The following COIL variants were observed in gnomAD, a reference collection of about 807,000 sequenced individuals.
The protein encoded by COIL is coilin.
COIL carries 28 observed loss-of-function variants against 51.6 expected under a neutral mutation model. The observed-to-expected ratio is 0.54, with a 90% confidence interval of 0.40 to 0.74. The LOEUF (loss-of-function observed/expected upper bound fraction) is 0.74. Ranked by LOEUF, COIL falls within the 30% of genes least tolerant of loss-of-function variation. COIL has a pLI of 0.00. For synonymous variants in COIL, 233 were observed against 255.8 expected (o/e 0.91, Z 0.85); for missense variants, 667 against 685.9 (o/e 0.97, Z 0.31).
intron 1 of COIL, among the ~76,000 whole-genome samples, chr17:56,955,787 A>G (rs1268644534): frequency 6.6e-6 from 1 of 152,246 alleles, no homozygotes; most frequent in East Asian, 1.9e-4. Flanking sequence ...ACAAGTCTGT[A>G]CAACTTTTCT....
Position 56,938,830 on chromosome 17 carries a change from G to A in COIL, c.*241C>T, listed in dbSNP as rs1910090355. On this transcript the variant is annotated 3_prime_UTR_variant, in exon 7 of 7. Coordinates refer to ENST00000240316, the MANE Select transcript of COIL (RefSeq NM_004645.3). ...ATACTGGTATACAACAATATCTGCA[G>A]GGAATGTCATGTTTTACATTTTGTT... The A allele has an allele frequency of 2.7e-6, 1 of 376,236 alleles. No individual in the cohort carries two copies. The highest frequency in any genetic ancestry group is 4.8e-6 in the Non-Finnish European group (1 of 210,352). The allele number at this position is 376,236 out of a possible 1,614,324, so 23.3% of individuals were successfully genotyped here.
At position 56,950,758 on chromosome 17, in the gene COIL, T is replaced by C. The variant is rs377586257; in HGVS notation, c.484A>G (p.Asn162Asp). The change falls in exon 2 of 7, where the codon AAC (asparagine) becomes GAC (aspartate). Residue 162 changes from asparagine to aspartate, a missense_variant. By Grantham distance (23) the Asn-to-Asp change is conservative. Coordinates refer to ENST00000240316, the MANE Select transcript of COIL (RefSeq NM_004645.3). Reference protein sequence around the residue: ...AVTDQTVSKKNKRKNKATCGT... With the variant: ...AVTDQTVSKKDKRKNKATCGT... The stretch of plus-strand genomic sequence containing the variant: ...CAGGTTGCTTTATTTTTTCTCTTGT[T>C]TTTTTTGCTGACAGTCTGATCTGTG... 40 of 1,613,968 alleles carry C rather than the reference T, an allele frequency of 2.5e-5. No individual in the cohort carries two copies. Among genetic ancestry groups the C allele is most frequent in the Non-Finnish European group, 3.2e-5 (38 of 1,180,046 alleles).
intron 5 of COIL, among the ~76,000 whole-genome samples, chr17:56,945,147 T>A (rs1276217594): frequency 2.0e-5 from 3 of 152,150 alleles, no homozygotes; most frequent in Non-Finnish European, 4.4e-5. Flanking sequence ...AAGACCAACC[T>A]GGCCAACATG....
In COIL at chr17:56,949,842, A is replaced by T. The variant is rs767871526; in HGVS notation, c.1353+47T>A. 1.9e-6 allele frequency: 3 copies of T among 1,611,014 alleles called. No individual in the cohort carries two copies. In the South Asian group the frequency reaches 3.3e-5, roughly 18 times the overall value. On this transcript the variant is annotated intron_variant, in intron 2 of 6. Transcript: ENST00000240316. ...AATCCATGACATGAACTCCACACAC[A>T]TTCTAAGGGGAAAGGGAGGAGATAA...
At chr17:56,957,942 A>C (rs1472054453) in intron 1 of COIL, among the ~76,000 whole-genome samples, 1 of 152,234 alleles carries the variant, frequency 6.6e-6, no homozygotes, top group Non-Finnish European at 1.5e-5. Context: ...GTGGAACACA[A>C]GTGTGTGGTG....
intron 5 of COIL, among the ~76,000 whole-genome samples, chr17:56,942,813 G>A (rs1910173918): frequency 6.6e-6 from 1 of 152,158 alleles, no homozygotes; most frequent in South Asian, 2.1e-4. Flanking sequence ...ACCACACCCG[G>A]CCTCAGTCCT....
At chr17:56,947,957 T>C (rs767574217) in intron 4 of COIL, among the ~76,000 whole-genome samples, 2 of 152,102 alleles carry the variant, frequency 1.3e-5, no homozygotes, top group Non-Finnish European at 2.9e-5. Flanking sequence ...GCATAACTAT[T>C]AATAGCATCC....
At chr17:56,941,974 A>G (rs775866523) in intron 6 of COIL, 61 bp downstream of exon 6, 4 of 1,350,798 alleles carry the variant, frequency 3.0e-6, no homozygotes, top group Non-Finnish European at 4.3e-6. Context: ...CTTCCAAACC[A>G]CAGGTAATTG....
Position 56,961,023 on chromosome 17 carries a change from G to T in COIL, c.-4C>A. The T allele has an allele frequency of 6.2e-7, 1 of 1,613,234 alleles. No homozygotes were observed. The highest frequency in any genetic ancestry group is 8.5e-7 in the Non-Finnish European group (1 of 1,179,790). On this transcript the variant is annotated 5_prime_UTR_variant, in exon 1 of 7. Transcript: ENST00000240316. ...TAACCGTCTCGGAAGCTGCCATCTT[G>T]CTTGGTGCTCAACGGAAGCCGAGAG...
intron 5 of COIL, among the ~76,000 whole-genome samples, chr17:56,943,669 C>T (rs1033646801): frequency 2.0e-5 from 3 of 152,098 alleles, no homozygotes; most frequent in African/African-American, 4.8e-5. Flanking sequence ...GATCATGACG[C>T]GTATCTGTTA....
chr17:56,953,571 G>A (rs976649536), intron 1 of COIL, among the ~76,000 whole-genome samples: 6 of 152,092 alleles, frequency 3.9e-5, no homozygotes, highest in Non-Finnish European at 8.8e-5. Flanking sequence ...TACTTACAAG[G>A]CATTTACATT....
At chr17:56,953,247 T>C (rs1910411687) in intron 1 of COIL, among the ~76,000 whole-genome samples, 1 of 151,554 alleles carries the variant, frequency 6.6e-6, no homozygotes, top group South Asian at 2.1e-4. Flanking sequence ...CCGTCTCTAC[T>C]AAAAATACAA....
At chr17:56,939,295 C>G (rs1274394796) in intron 6 of COIL, 141 bp from the exon 7 acceptor site, 13 of 613,396 alleles carry the variant, frequency 2.1e-5, no homozygotes, top group Non-Finnish European at 3.2e-5. Flanking sequence ...AGTTCAATTG[C>G]AGTATAGTAA....
chr17:56,941,973 C>T, intron 6 of COIL, 62 bp downstream of exon 6: 1 of 1,346,806 alleles, frequency 7.4e-7, no homozygotes, highest in East Asian at 2.3e-5. Flanking sequence ...CCTTCCAAAC[C>T]ACAGGTAATT....
chr17:56,956,387 C>T (rs1211164216), intron 1 of COIL, among the ~76,000 whole-genome samples: 1 of 151,126 alleles, frequency 6.6e-6, no homozygotes, highest in Non-Finnish European at 1.5e-5. Flanking sequence ...TACAGGCATC[C>T]ATCACTGAGC....
chr17:56,949,947 T>A lies in COIL; in HGVS notation c.1295A>T (p.Asp432Val). The A allele has an allele frequency of 1.9e-6, 3 of 1,614,086 alleles. No homozygotes were observed. The highest frequency in any genetic ancestry group is 2.5e-6 in the Non-Finnish European group (3 of 1,179,982). Residue 432 changes from aspartate (D) to valine (V), a missense_variant, in exon 2 of 7, where the codon GAC (aspartate) becomes GTC (valine). Asp to Val is a radical substitution (Grantham distance 152). Transcript: ENST00000240316. The part of the protein sequence containing the change: ...PVSCVVNRST[D>V]NQRQQQLNDV... ...ATTTAATTGCTGTTGCCTCTGGTTG[T>A]CAGTGCTTCTATTTACAACACAGGA...
At chr17:56,960,714 G>C (rs1440369001) in intron 1 of COIL, 61 bp downstream of exon 1, 2 of 1,292,694 alleles carry the variant, frequency 1.5e-6, no homozygotes, top group Non-Finnish European at 2.0e-6. Context: ...AGGCCCGGGC[G>C]TGCGCAGGCG....
In COIL at chr17:56,941,561, C is replaced by T. The variant is rs9915079; in HGVS notation, c.1647+474G>A. 6.1e-3 allele frequency among the ~76,000 whole-genome samples: 929 copies of T among 152,258 alleles called. 10 individuals are homozygous for T. The highest frequency in any genetic ancestry group is 0.021 in the African/African-American group (891 of 41,550). On this transcript the variant is annotated intron_variant, in intron 6 of 6. Coordinates refer to ENST00000240316, the MANE Select transcript of COIL (RefSeq NM_004645.3). Reference sequence around the variant, plus strand: ...TTTCAGCCTGGGCAACACAGTGAGACTCTCTCAAAAAAACAAAAGTTGGAA... The same window carrying T: ...TTTCAGCCTGGGCAACACAGTGAGATTCTCTCAAAAAAACAAAAGTTGGAA...
intron 1 of COIL, among the ~76,000 whole-genome samples, chr17:56,955,039 G>A (rs1023316214): frequency 3.3e-5 from 5 of 152,092 alleles, no homozygotes; most frequent in African/African-American, 1.2e-4. Flanking sequence ...CACTAGTGAC[G>A]AAAGAGTTGA....
Sources: allele counts gnomAD v4.1 joint callset (sites outside exome capture counted in the v4.1 genomes callset), GRCh38; gene constraint gnomAD v4.1.1; transcripts MANE v1.5; gene names NCBI Gene and HGNC (gene_info 2026-07-23, HGNC 2026-07-21).